TMCO4: variants seen among roughly 807,000 people sequenced by gnomAD.
The protein encoded by TMCO4 is transmembrane and coiled-coil domain-containing protein 4.
A neutral mutation model predicts 64.7 loss-of-function variants in TMCO4; 58 were observed. That is an observed-to-expected ratio of 0.90 (90% CI 0.73 to 1.12). TMCO4 has a LOEUF of 1.12. TMCO4 is among the 50% of genes most tolerant of loss of function. The probability of loss-of-function intolerance (pLI) is 0.00; values close to 1 mark genes in which losing one functional copy is unlikely to be tolerated. For synonymous variants in TMCO4, 325 were observed against 346.1 expected, an observed-to-expected ratio of 0.94 and a Z score of 0.68; for missense variants, 780 against 825.9, an observed-to-expected ratio of 0.94 and a Z score of 0.68.
At chr1:19,799,556 C>T (rs112323955) in intron 1 of TMCO4, among the ~76,000 whole-genome samples, 30 of 152,358 alleles carry the variant, frequency 2.0e-4, no homozygotes, top group African/African-American at 6.3e-4. Flanking sequence ...AGGCCGGAGT[C>T]GCCCGAGTGC....
rs1197531496 is a variant in TMCO4, at chr1:19,715,292, G to A, written c.1265-14407C>T. On this transcript the variant is annotated intron_variant, in intron 13 of 15. Transcript: ENST00000294543. ...GGTCTCACTGTATATAACCCAGGCT[G>A]TAGTACAGTGGCACAATCATAGCTC... Among the ~76,000 whole-genome samples the A allele has an allele frequency of 2.0e-5, 3 of 152,182 alleles. No homozygotes were observed. The South Asian group carries it at 6.2e-4, about 32-fold the overall frequency.
intron 2 of TMCO4, among the ~76,000 whole-genome samples, chr1:19,796,863 A>G (rs1183326854): frequency 6.6e-6 from 1 of 152,088 alleles, no homozygotes; most frequent in Non-Finnish European, 1.5e-5. Context: ...GTGAGCCACC[A>G]CGCCTGGCCT....
In TMCO4 at chr1:19,692,938, A is replaced by G. The variant is rs187285307; in HGVS notation, c.1500+1496T>C. Among the ~76,000 whole-genome samples the G allele has an allele frequency of 4.3e-3, 604 of 139,074 alleles. 3 individuals are homozygous for G. The highest frequency in any genetic ancestry group is 0.015 in the African/African-American group (546 of 37,234). The allele number at this position is 139,074 out of a possible 152,430, so 91.2% of individuals were successfully genotyped here. On this transcript the variant is annotated intron_variant, in intron 15 of 15. Transcript: ENST00000294543. ...TGTAATCCCAGCACTCTGGGAGGCC[A>G]AGGTGGGTGGATTGCTTGAGCTCAG...
intron 13 of TMCO4, among the ~76,000 whole-genome samples, chr1:19,726,882 G>T (rs1281472573): frequency 2.6e-5 from 4 of 152,196 alleles, no homozygotes; most frequent in African/African-American, 9.7e-5. Context: ...GCTACATGAT[G>T]GATTTAAAAT....
chr1:19,731,087 C>T (rs559549888), intron 13 of TMCO4, among the ~76,000 whole-genome samples: 76 of 152,106 alleles, frequency 5.0e-4, no homozygotes, highest in Non-Finnish European at 9.3e-4. Context: ...AATTCATTGA[C>T]GATCTCGACC....
intron 3 of TMCO4, among the ~76,000 whole-genome samples, chr1:19,781,641 C>CT (rs1202912744): frequency 0.017 from 2,276 of 134,388 alleles, 21 homozygotes; most frequent in Non-Finnish European, 0.02. Context: ...ACAGAACTTT[C>CT]TTTTTTTTTT....
intron 13 of TMCO4, among the ~76,000 whole-genome samples, chr1:19,710,270 A>ATT (rs11310431): frequency 0.084 from 11,632 of 138,358 alleles, 533 homozygotes; most frequent in Non-Finnish European, 0.097. Context: ...CCATGCCCCC[A>ATT]TTTTTTTTTT....
At chr1:19,723,269 G>A (rs543051224) in intron 13 of TMCO4, among the ~76,000 whole-genome samples, 1 of 152,346 alleles carries the variant, frequency 6.6e-6, no homozygotes, top group East Asian at 1.9e-4. Flanking sequence ...GGAATCTGGA[G>A]CATTTTGGAT....
chr1:19,739,829 G>T lies in TMCO4; in HGVS notation c.1174C>A (p.Gln392Lys). 6.2e-7 allele frequency: 1 copy of T among 1,613,194 alleles called. No homozygotes were observed. The highest frequency in any genetic ancestry group is 8.5e-7 in the Non-Finnish European group (1 of 1,179,682). The change falls in exon 12 of 16, where the codon CAG (glutamine) becomes AAG (lysine). Residue 392 changes from glutamine to lysine, a missense_variant. Gln to Lys is a moderately conservative substitution (Grantham distance 53). Coordinates refer to ENST00000294543, the MANE Select transcript of TMCO4 (RefSeq NM_181719.7). ...KHLAHILLSR[Q>K]QGRRPVTLIG... ...ACACAGCCATTCCCAGGTACCTGCTGCCGGGAGAGCAGGATGTGGGCCAGG... is the reference window on the plus strand; with the variant it reads ...ACACAGCCATTCCCAGGTACCTGCTTCCGGGAGAGCAGGATGTGGGCCAGG...
intron 6 of TMCO4, among the ~76,000 whole-genome samples, chr1:19,759,978 CA>C (rs1303261685): frequency 6.6e-6 from 1 of 152,124 alleles, no homozygotes; most frequent in Non-Finnish European, 1.5e-5. Flanking sequence ...CCACCTGCCC[CA>C]AGCAGCACAA....
At chr1:19,702,285 C>CAGAAA (rs751695121) in intron 13 of TMCO4, among the ~76,000 whole-genome samples, 5 of 102,930 alleles carry the variant, frequency 4.9e-5, no homozygotes, top group Admixed American at 1.1e-4. Context: ...CTTGTCTTTA[C>CAGAAA]AAAAAAAAAA....
At chr1:19,772,017 G>A (rs2043007181) in intron 4 of TMCO4, among the ~76,000 whole-genome samples, 1 of 152,190 alleles carries the variant, frequency 6.6e-6, no homozygotes, top group African/African-American at 2.4e-5. Flanking sequence ...AGGCTGATAA[G>A]CCACAGCAAT....
At chr1:19,738,002 G>A (rs1176203457) in intron 12 of TMCO4, among the ~76,000 whole-genome samples, 1 of 152,232 alleles carries the variant, frequency 6.6e-6, no homozygotes, top group Non-Finnish European at 1.5e-5. Context: ...ATGGAAAGAG[G>A]AATTTTCTGA....
chr1:19,729,304 C>A (rs561850324), intron 13 of TMCO4, among the ~76,000 whole-genome samples: 2 of 151,818 alleles, frequency 1.3e-5, no homozygotes, highest in Admixed American at 6.6e-5. Context: ...CGTGCCACCA[C>A]GCCTGGCTAA....
intron 13 of TMCO4, among the ~76,000 whole-genome samples, chr1:19,726,796 T>A (rs1410764819): frequency 1.3e-5 from 2 of 152,114 alleles, no homozygotes; most frequent in Non-Finnish European, 2.9e-5. Flanking sequence ...CAGTTGATCT[T>A]ACAAGCAGGT....
chr1:19,778,814 T>C (rs966751478), intron 4 of TMCO4, among the ~76,000 whole-genome samples: 3 of 152,180 alleles, frequency 2.0e-5, no homozygotes, highest in Non-Finnish European at 4.4e-5. Flanking sequence ...TTTGCTATAC[T>C]GAGCTGTGTG....
intron 13 of TMCO4, among the ~76,000 whole-genome samples, chr1:19,725,816 C>A (rs1023117208): frequency 2.0e-5 from 3 of 152,168 alleles, no homozygotes; most frequent in Non-Finnish European, 4.4e-5. Context: ...TGTGTGCCAG[C>A]CGATCAAGCC....
Position 19,780,665 on chromosome 1 carries a change from G to C in TMCO4, c.94C>G (p.Arg32Gly). 5 of 1,613,996 alleles carry C rather than the reference G, an allele frequency of 3.1e-6. No individual in the cohort carries two copies. The highest frequency in any genetic ancestry group is 4.2e-6 in the Non-Finnish European group (5 of 1,179,990). ...AAGCGGTTGGCCTCAGTCAGCTCCC[G>C]GCCCGTGGGCAGGTGTGGCTCCCCC... ...AEGEPHLPTG[R>G]ELTEANRFAY... Residue 32 changes from arginine to glycine, a missense_variant, in exon 4 of 16, where the codon CGG becomes GGG. Coordinates refer to ENST00000294543, the MANE Select transcript of TMCO4 (RefSeq NM_181719.7).
intron 14 of TMCO4, 131 bp from the exon 15 acceptor site, chr1:19,694,682 T>G (rs2095223854): frequency 1.3e-6 from 1 of 751,490 alleles, no homozygotes; most frequent in African/African-American, 1.7e-5. Context: ...GGCCCCTGAT[T>G]GCACGGTGGG....
Sources: allele counts gnomAD v4.1 joint callset (sites outside exome capture counted in the v4.1 genomes callset), GRCh38; gene constraint gnomAD v4.1.1; transcripts MANE v1.5; gene names NCBI Gene and HGNC (gene_info 2026-07-23, HGNC 2026-07-21).